Variants in TMEM108 observed in about 807,000 individuals in gnomAD.
TMEM108 encodes the protein cancer/testis antigen 124.
In TMEM108, 12 loss-of-function variants were observed where a neutral mutation model predicts 35.1. That is an observed-to-expected ratio of 0.34 (90% CI 0.22 to 0.55). TMEM108 has a LOEUF of 0.55. Ranked by LOEUF, TMEM108 falls within the 20% of genes least tolerant of loss-of-function variation. The probability of loss-of-function intolerance (pLI) is 0.89; values close to 1 mark genes in which losing one functional copy is unlikely to be tolerated. For missense variants in TMEM108, 680 were observed against 753.3 expected (o/e 0.90, Z 1.14); for synonymous variants, 287 against 308.6 (o/e 0.93, Z 0.73).
At chr3:133,289,814 A>G (rs924904879) in intron 3 of TMEM108, among the ~76,000 whole-genome samples, 1 of 152,220 alleles carries the variant, frequency 6.6e-6, no homozygotes, top group Non-Finnish European at 1.5e-5. Context: ...ACTCGAATCA[A>G]AAACATTTGG....
At chr3:133,197,933 A>G (rs188394188) in intron 2 of TMEM108, among the ~76,000 whole-genome samples, 2 of 152,244 alleles carry the variant, frequency 1.3e-5, no homozygotes, top group African/African-American at 2.4e-5. Context: ...GTCTACCACT[A>G]CCCCATAGCT....
intron 2 of TMEM108, among the ~76,000 whole-genome samples, chr3:133,191,231 T>C (rs1201156949): frequency 6.6e-6 from 1 of 152,074 alleles, no homozygotes; most frequent in Non-Finnish European, 1.5e-5. Context: ...GGAGGCAGAC[T>C]CAGAGTAGGC....
At chr3:133,135,133 A>C (rs1281996823) in intron 2 of TMEM108, among the ~76,000 whole-genome samples, 1 of 144,994 alleles carries the variant, frequency 6.9e-6, no homozygotes, top group African/African-American at 2.5e-5. Flanking sequence ...ACTTTCTTCC[A>C]TTTCGAGGTT....
At chr3:133,165,994 C>T (rs1945031485) in intron 2 of TMEM108, among the ~76,000 whole-genome samples, 1 of 152,196 alleles carries the variant, frequency 6.6e-6, no homozygotes, top group South Asian at 2.1e-4. Context: ...GGTTGGTGGT[C>T]TTCTCATCAG....
chr3:133,069,435 C>T (rs972564320), intron 2 of TMEM108, among the ~76,000 whole-genome samples: 5 of 152,080 alleles, frequency 3.3e-5, no homozygotes, highest in Non-Finnish European at 5.9e-5. Flanking sequence ...AGGACTCCTT[C>T]GTTTCAGTGG....
chr3:133,379,928 C>G lies in TMEM108; in HGVS notation c.217C>G (p.Pro73Ala). ...VVMLTPNPDG[P>A]PSQAAAPMAT... ...GATGCTGACCCCCAATCCCGATGGACCCCCCTCACAGGCTGCAGCTCCCAT... is the reference window on the plus strand; with the variant it reads ...GATGCTGACCCCCAATCCCGATGGAGCCCCCTCACAGGCTGCAGCTCCCAT... The change falls in exon 4 of 6, where the codon CCC becomes GCC. Residue 73 changes from proline to alanine, a missense_variant. By Grantham distance (27) the Pro-to-Ala change is conservative. Transcript: ENST00000321871. The G allele has an allele frequency of 1.2e-6, 2 of 1,613,614 alleles. No homozygotes were observed. Among genetic ancestry groups the G allele is most frequent in the Non-Finnish European group, 1.7e-6 (2 of 1,179,770 alleles).
chr3:133,125,709 T>A (rs553208352), intron 2 of TMEM108, among the ~76,000 whole-genome samples: 1 of 152,318 alleles, frequency 6.6e-6, no homozygotes, highest in East Asian at 1.9e-4. Context: ...CTTGTGCATA[T>A]GAAGTGTATA....
chr3:133,256,098 T>A (rs905556591), intron 3 of TMEM108, among the ~76,000 whole-genome samples: 1 of 152,188 alleles, frequency 6.6e-6, no homozygotes, highest in Non-Finnish European at 1.5e-5. Context: ...AAAATGTTCC[T>A]TATAAAGGAA....
chr3:133,114,606 C>T (rs371675923), intron 2 of TMEM108, among the ~76,000 whole-genome samples: 20 of 152,072 alleles, frequency 1.3e-4, no homozygotes, highest in African/African-American at 4.1e-4. Context: ...TGATTTGATT[C>T]CCTGCCTCCT....
chr3:133,092,356 T>C (rs1159571599), intron 2 of TMEM108, among the ~76,000 whole-genome samples: 2 of 152,234 alleles, frequency 1.3e-5, no homozygotes, highest in Non-Finnish European at 2.9e-5. Flanking sequence ...TCTAATATTT[T>C]CTCCTAACCT....
At chr3:133,123,105 A>G (rs978360404) in intron 2 of TMEM108, among the ~76,000 whole-genome samples, 2 of 152,226 alleles carry the variant, frequency 1.3e-5, no homozygotes, top group Non-Finnish European at 2.9e-5. Context: ...ACGGATACAT[A>G]TATGGATTCC....
At chr3:133,161,425 C>T (rs903018585) in intron 2 of TMEM108, among the ~76,000 whole-genome samples, 6 of 152,110 alleles carry the variant, frequency 3.9e-5, no homozygotes, top group African/African-American at 7.2e-5. Context: ...CTCCATGAGG[C>T]GGGGACCTTT....
chr3:133,073,500 CTCTCTCTCTCTATATA>C (rs1943700797), intron 2 of TMEM108, among the ~76,000 whole-genome samples: 1 of 92,406 alleles, frequency 1.1e-5, no homozygotes, highest in African/African-American at 5.2e-5. Flanking sequence ...CTCTCTCTCT[CTCTCTCTCTCTATATA>C]TATATATATA....
At chr3:133,208,313 G>C (rs909275203) in intron 2 of TMEM108, among the ~76,000 whole-genome samples, 8 of 152,092 alleles carry the variant, frequency 5.3e-5, no homozygotes, top group African/African-American at 1.9e-4. Context: ...ACATTACTGT[G>C]AAGTTAATGG....
chr3:133,135,075 C>T (rs1036294107), intron 2 of TMEM108, among the ~76,000 whole-genome samples: 1 of 152,014 alleles, frequency 6.6e-6, no homozygotes, highest in Non-Finnish European at 1.5e-5. Context: ...TAGTTTTAAA[C>T]AATGTTTTTC....
chr3:133,363,162 T>TTGGTTAGTGA (rs1266081810), intron 3 of TMEM108, among the ~76,000 whole-genome samples: 1 of 152,168 alleles, frequency 6.6e-6, no homozygotes, highest in African/African-American at 2.4e-5. Flanking sequence ...TCTAACTGAA[T>TTGGTTAGTGA]TGGTTAGTGA....
In TMEM108 at chr3:133,166,748, C is replaced by G. The variant is rs1045529141; in HGVS notation, c.-46-62518C>G. Among the ~76,000 whole-genome samples the G allele has an allele frequency of 7.2e-5, 11 of 152,176 alleles. No homozygotes were observed. In the East Asian group the frequency reaches 2.1e-3, roughly 29 times the overall value. On this transcript the variant is annotated intron_variant, in intron 2 of 5. Transcript: ENST00000321871. ...ACAGCTTATAAAGGCAGTACAGACCCAAAGAGTGAGCAGCAGAAAGATTTA... is the reference window on the plus strand; with the variant it reads ...ACAGCTTATAAAGGCAGTACAGACCGAAAGAGTGAGCAGCAGAAAGATTTA...
intron 2 of TMEM108, among the ~76,000 whole-genome samples, chr3:133,135,459 G>C (rs1944552109): frequency 6.6e-6 from 1 of 152,202 alleles, no homozygotes; most frequent in Admixed American, 6.5e-5. Flanking sequence ...CATCAGCTCA[G>C]TGGGCTGGAG....
chr3:133,284,580 G>T (rs1946959437), intron 3 of TMEM108, among the ~76,000 whole-genome samples: 1 of 152,210 alleles, frequency 6.6e-6, no homozygotes, highest in Admixed American at 6.5e-5. Flanking sequence ...GTCACAGCCA[G>T]CACATCCCTG....
Sources: allele counts gnomAD v4.1 joint callset (sites outside exome capture counted in the v4.1 genomes callset), GRCh38; gene constraint gnomAD v4.1.1; transcripts MANE v1.5; gene names NCBI Gene and HGNC (gene_info 2026-07-23, HGNC 2026-07-21).